PRKAG2: variants seen among roughly 807,000 people sequenced by gnomAD.
PRKAG2 encodes the protein 5'-AMP-activated protein kinase subunit gamma-2.
Under a neutral mutation model 69.6 loss-of-function variants are expected in PRKAG2, and 26 were observed. The ratio of observed to expected loss-of-function variants is 0.37; its 90% confidence interval spans 0.27 to 0.52. PRKAG2 has a LOEUF of 0.52. Among genes scored for constraint, PRKAG2 ranks in the 20% least tolerant of loss-of-function variants. The probability of loss-of-function intolerance (pLI) is 0.90; values close to 1 mark genes in which losing one functional copy is unlikely to be tolerated. For missense variants in PRKAG2, 557 were observed against 740.0 expected, an observed-to-expected ratio of 0.75 and a Z score of 2.87; for synonymous variants, 293 against 285.0, an observed-to-expected ratio of 1.03 and a Z score of -0.28.
chr7:151,845,774 C>T (rs1045126034), intron 1 of PRKAG2, among the ~76,000 whole-genome samples: 9 of 152,204 alleles, frequency 5.9e-5, no homozygotes, highest in African/African-American at 2.2e-4. Flanking sequence ...AAAGGCCCCA[C>T]CTAGGAGATC....
chr7:151,851,092 T>C (rs1430242956), intron 1 of PRKAG2, among the ~76,000 whole-genome samples: 1 of 152,110 alleles, frequency 6.6e-6, no homozygotes, highest in East Asian at 1.9e-4. Flanking sequence ...CTTGCTGCCA[T>C]CTAACTTTTC....
intron 1 of PRKAG2, among the ~76,000 whole-genome samples, chr7:151,855,127 CCTCCA>C (rs1429769331): frequency 4.3e-5 from 2 of 46,088 alleles, no homozygotes; most frequent in African/African-American, 3.2e-4. Flanking sequence ...CACACACCAT[CCTCCA>C]CACACACCAC....
chr7:151,565,948 C>A (rs1806158086), intron 11 of PRKAG2, 63 bp from the exon 12 acceptor site: 1 of 1,535,620 alleles, frequency 6.5e-7, no homozygotes, highest in South Asian at 1.1e-5. Context: ...GTTCAAAGGT[C>A]CAGATTTGAA....
Position 151,771,722 on chromosome 7 carries a change from G to A in PRKAG2, c.466+9430C>T, listed in dbSNP as rs12703153. Among the ~76,000 whole-genome samples the A allele has an allele frequency of 2.9e-3, 445 of 152,250 alleles. 2 individuals are homozygous for A. Among genetic ancestry groups the A allele is most frequent in the Admixed American group, 5.3e-3 (81 of 15,290 alleles). On this transcript the variant is annotated intron_variant, in intron 3 of 15. Coordinates refer to ENST00000287878, the MANE Select transcript of PRKAG2 (RefSeq NM_016203.4). The surrounding 1 kb of genome is among the most constrained non-coding windows in gnomAD (Gnocchi z 4.0). ...TTCTGGTCTAGCACGTGTTTTTCAC[G>A]TTTATATTGTTGTTTTGTTTCATTT... is the stretch of plus-strand genomic sequence containing the variant.
chr7:151,787,258 G>T (rs368936422), intron 1 of PRKAG2, among the ~76,000 whole-genome samples: 4 of 152,096 alleles, frequency 2.6e-5, no homozygotes, highest in Non-Finnish European at 5.9e-5. Context: ...TTAAGTGTGC[G>T]GTTTGGTGGC....
rs967902728 is a variant in PRKAG2, at chr7:151,699,946, C to T, written c.467-24309G>A. On this transcript the variant is annotated intron_variant, in intron 3 of 15. Transcript: ENST00000287878. This position sits in a 1 kb window ranked among gnomAD's most constrained non-coding sequence, Gnocchi z 4.5. ...GCCACAGGCGGCCGCAGATGGGTGC[C>T]CCCACATTGCAGAAACAGCCTCAAC... is the stretch of plus-strand genomic sequence containing the variant. Among the ~76,000 whole-genome samples the T allele has an allele frequency of 2.6e-5, 4 of 152,076 alleles. No homozygotes were observed. Among genetic ancestry groups the T allele is most frequent in the Admixed American group, 2.6e-4 (4 of 15,246 alleles).
chr7:151,679,068 A>G (rs571237214), intron 3 of PRKAG2, among the ~76,000 whole-genome samples: 6 of 152,008 alleles, frequency 3.9e-5, no homozygotes, highest in Non-Finnish European at 7.4e-5. Flanking sequence ...GAAGAGGAAG[A>G]GTGGGAAGGT....
At chr7:151,705,809 C>T (rs1254129101) in intron 3 of PRKAG2, among the ~76,000 whole-genome samples, 1 of 152,108 alleles carries the variant, frequency 6.6e-6, no homozygotes, top group Non-Finnish European at 1.5e-5. Flanking sequence ...AGGTTGGTGG[C>T]ACTTCCTTGT....
At chr7:151,767,622 G>A (rs2075805431) in intron 3 of PRKAG2, among the ~76,000 whole-genome samples, 1 of 152,214 alleles carries the variant, frequency 6.6e-6, no homozygotes, top group Non-Finnish European at 1.5e-5. Context: ...GCAGTTTGTG[G>A]TGCTGTTATA....
At chr7:151,844,449 C>T (rs1460857058) in intron 1 of PRKAG2, among the ~76,000 whole-genome samples, 1 of 152,110 alleles carries the variant, frequency 6.6e-6, no homozygotes, top group Admixed American at 6.5e-5. Flanking sequence ...TGGGAAGGAA[C>T]GGGGGTAAAA....
intron 1 of PRKAG2, among the ~76,000 whole-genome samples, chr7:151,839,647 G>A (rs532168027): frequency 2.0e-5 from 3 of 152,318 alleles, no homozygotes; most frequent in Middle Eastern, 3.4e-3. Context: ...ACGCCGCCTC[G>A]GGCCTCGGTA....
intron 3 of PRKAG2, among the ~76,000 whole-genome samples, chr7:151,752,646 TAC>T (rs2074782259): frequency 6.6e-6 from 1 of 152,142 alleles, no homozygotes; most frequent in Non-Finnish European, 1.5e-5. Flanking sequence ...CATAGATACA[TAC>T]ACACACAGGG....
In PRKAG2 at chr7:151,769,786, C is replaced by T. The variant is rs183273431; in HGVS notation, c.466+11366G>A. ...CGAGGTGGGCAGGTGGCACTGCTTG[C>T]GGGGCTGGGGTGCTGGGCTGACATG... On this transcript the variant is annotated intron_variant, in intron 3 of 15. Transcript: ENST00000287878. 1.6e-3 allele frequency among the ~76,000 whole-genome samples: 247 copies of T among 152,286 alleles called. 2 individuals carry two copies. The highest frequency in any genetic ancestry group is 0.014 in the Middle Eastern group (4 of 294).
intron 6 of PRKAG2, among the ~76,000 whole-genome samples, chr7:151,590,759 C>T (rs777669872): frequency 2.6e-5 from 4 of 152,142 alleles, no homozygotes; most frequent in South Asian, 2.1e-4. Flanking sequence ...CTGCAGAAAC[C>T]GAAGAAGTAT....
At chr7:151,692,448 A>G (rs1835824593) in intron 3 of PRKAG2, among the ~76,000 whole-genome samples, 1 of 152,184 alleles carries the variant, frequency 6.6e-6, no homozygotes, top group African/African-American at 2.4e-5. Flanking sequence ...GGATGAGGGG[A>G]GAAATTGACT....
chr7:151,760,531 A>G lies in PRKAG2; in HGVS notation c.466+20621T>C, dbSNP rs913106940. On this transcript the variant is annotated intron_variant, in intron 3 of 15. Transcript: ENST00000287878. ...TGGGATTACAGGCATGAGCCACTGC[A>G]CCCAGCTGAGAGAGTTTTTTAAAAG... 3.0e-4 allele frequency among the ~76,000 whole-genome samples: 45 copies of G among 152,128 alleles called. 1 individual carries two copies. Among genetic ancestry groups the G allele is most frequent in the African/African-American group, 9.9e-4 (41 of 41,422 alleles).
chr7:151,666,086 A>G (rs2151441681), intron 4 of PRKAG2, among the ~76,000 whole-genome samples: 1 of 152,318 alleles, frequency 6.6e-6, no homozygotes, highest in East Asian at 1.9e-4. Flanking sequence ...CTCACACCGG[A>G]TGAAACAAGT....
intron 1 of PRKAG2, among the ~76,000 whole-genome samples, chr7:151,790,002 G>A (rs1008938091): frequency 1.3e-5 from 2 of 152,152 alleles, no homozygotes; most frequent in African/African-American, 2.4e-5. Flanking sequence ...ATGCATCCAT[G>A]GACATCCCAC....
At chr7:151,759,971 G>A (rs1001449490) in intron 3 of PRKAG2, among the ~76,000 whole-genome samples, 11 of 152,250 alleles carry the variant, frequency 7.2e-5, no homozygotes, top group African/African-American at 2.7e-4. Flanking sequence ...TCCAGGCTGA[G>A]CGGCTGTCCC....
Sources: gnomAD v4.1 joint callset for allele counts (sites outside exome capture counted in the v4.1 genomes callset) on GRCh38, gnomAD v4.1.1 for gene constraint, Gnocchi (gnomAD v3.1) non-coding constraint, MANE v1.5 for transcripts, NCBI Gene and HGNC (gene_info 2026-07-23, HGNC 2026-07-21) for gene names.